The following NEK10 variants were observed in gnomAD, a reference collection of about 807,000 sequenced individuals.
NEK10 encodes the protein serine/threonine-protein kinase Nek10.
Under a neutral mutation model 159.8 loss-of-function variants are expected in NEK10, and 122 were observed. The ratio of observed to expected loss-of-function variants is 0.76; its 90% CI spans 0.66 to 0.89. NEK10 has a LOEUF of 0.89. Among genes scored for constraint, NEK10 ranks in the 40% least tolerant of loss-of-function variants. The pLI, the probability that NEK10 is intolerant of heterozygous loss-of-function variation, is 0.00. For synonymous variants in NEK10, 466 were observed against 457.1 expected (o/e 1.02, Z -0.25); for missense variants, 1,342 against 1,323.1 (o/e 1.01, Z -0.22).
At chr3:27,192,460 T>C in intron 25 of NEK10, among the ~76,000 whole-genome samples, 1 of 152,178 alleles carries the variant, frequency 6.6e-6, no homozygotes, top group Non-Finnish European at 1.5e-5. Flanking sequence ...TTATTCTCTT[T>C]GCACTTGGGC....
intron 23 of NEK10, among the ~76,000 whole-genome samples, chr3:27,242,992 G>A (rs1206939301): frequency 6.6e-6 from 1 of 152,042 alleles, no homozygotes; most frequent in African/African-American, 2.4e-5. Context: ...TTTATGATAG[G>A]CCATAAAATT....
At chr3:27,351,967 T>G (rs1408167065) in intron 3 of NEK10, among the ~76,000 whole-genome samples, 1 of 151,854 alleles carries the variant, frequency 6.6e-6, no homozygotes, top group Non-Finnish European at 1.5e-5. Flanking sequence ...AATAAGAACA[T>G]GAAAATGCTA....
chr3:27,145,134 CA>C (rs11374645), intron 30 of NEK10, among the ~76,000 whole-genome samples: 2,248 of 143,480 alleles, frequency 0.016, 58 homozygotes, highest in African/African-American at 0.051. Context: ...GACTGTTCAC[CA>C]AAAAAAAAAA....
intron 23 of NEK10, among the ~76,000 whole-genome samples, chr3:27,249,995 C>A (rs1018057702): frequency 6.6e-6 from 1 of 151,992 alleles, no homozygotes; most frequent in African/African-American, 2.4e-5. Context: ...AAAAAGAAAA[C>A]ATAAAAACTG....
At chr3:27,259,223 T>A (rs1559377684) in intron 22 of NEK10, among the ~76,000 whole-genome samples, 1 of 152,254 alleles carries the variant, frequency 6.6e-6, no homozygotes, top group Non-Finnish European at 1.5e-5. Context: ...TTTAGCTTAA[T>A]TAGATTTCAC....
intron 33 of NEK10, among the ~76,000 whole-genome samples, chr3:27,117,589 C>T (rs2125427579): frequency 6.6e-6 from 1 of 152,264 alleles, no homozygotes; most frequent in East Asian, 1.9e-4. Context: ...TGATGTTGAG[C>T]TTTTTATCAT....
intron 11 of NEK10, among the ~76,000 whole-genome samples, chr3:27,306,197 T>C (rs1215120079): frequency 6.6e-6 from 1 of 152,178 alleles, no homozygotes; most frequent in Non-Finnish European, 1.5e-5. Context: ...TCTTAGTGTT[T>C]TCTATTTCCT....
chr3:27,112,273 C>A (rs1292814936), intron 35 of NEK10, among the ~76,000 whole-genome samples: 2 of 152,168 alleles, frequency 1.3e-5, no homozygotes, highest in African/African-American at 2.4e-5. Context: ...CCTCTCTATT[C>A]TCTTCCTTAA....
chr3:27,120,490 T>C (rs933348604), intron 32 of NEK10, among the ~76,000 whole-genome samples: 5 of 124,742 alleles, frequency 4.0e-5, no homozygotes, highest in Non-Finnish European at 9.3e-5. Context: ...GCCCAGCTAA[T>C]TTTTGTATTT....
intron 23 of NEK10, among the ~76,000 whole-genome samples, chr3:27,248,944 G>C (rs981407866): frequency 4.6e-5 from 7 of 152,052 alleles, no homozygotes; most frequent in East Asian, 1.9e-4. Context: ...CAATGCTATG[G>C]GGTATTGAAG....
chr3:27,274,379 G>A (rs556601422), intron 22 of NEK10, among the ~76,000 whole-genome samples: 2 of 152,148 alleles, frequency 1.3e-5, no homozygotes, highest in African/African-American at 4.8e-5. Flanking sequence ...TCTAAGATGT[G>A]TATCAACAGA....
intron 25 of NEK10, chr3:27,194,755 G>A (rs918608691): frequency 6.6e-6 from 1 of 151,988 alleles, no homozygotes; most frequent in Admixed American, 6.5e-5. Flanking sequence ...TATGCAACCA[G>A]GCACAGAGAA....
At chr3:27,268,566 A>G (rs991039365) in intron 22 of NEK10, among the ~76,000 whole-genome samples, 1 of 152,162 alleles carries the variant, frequency 6.6e-6, no homozygotes, top group African/African-American at 2.4e-5. Context: ...CAGTCCTTCT[A>G]TTTGCAGCAT....
At chr3:27,344,492 A>G in intron 4 of NEK10, 122 bp from the exon 5 acceptor site, 1 of 497,984 alleles carries the variant, frequency 2.0e-6, no homozygotes, top group South Asian at 4.0e-5. Flanking sequence ...CACTATACTA[A>G]TGAGGATTCA....
At chr3:27,255,186 A>C (rs1575465289) in intron 23 of NEK10, 1 of 225,620 alleles carries the variant, frequency 4.4e-6, no homozygotes, top group Non-Finnish European at 9.5e-6. Flanking sequence ...TTCTTCTCTC[A>C]GAAAGTAACG....
At chr3:27,291,937 C>T (rs935442773) in intron 16 of NEK10, among the ~76,000 whole-genome samples, 6 of 152,132 alleles carry the variant, frequency 3.9e-5, no homozygotes, top group East Asian at 3.9e-4. Flanking sequence ...CCACCGCACC[C>T]GGCCCATTAC....
chr3:27,312,183 T>C lies in NEK10; in HGVS notation c.490-6A>G, dbSNP rs1203420047. The stretch of plus-strand genomic sequence containing the variant: ...TTGGCTACAATCTCCATATACTGCA[T>C]GAAGGACCAAACCAACAAGCCAGTC... On this transcript the variant is annotated splice_region_variant and splice_polypyrimidine_tract_variant and intron_variant, in intron 7 of 35. Transcript: ENST00000691995. 1 of 1,582,816 alleles carries C rather than the reference T, an allele frequency of 6.3e-7. No homozygotes were observed.
At chr3:27,224,162 GT>G (rs1260413324) in intron 23 of NEK10, among the ~76,000 whole-genome samples, 4 of 152,236 alleles carry the variant, frequency 2.6e-5, no homozygotes, top group Admixed American at 1.3e-4. Context: ...CAAGAGTGAT[GT>G]CTCTTGTCAA....
chr3:27,171,282 T>C (rs1946958702), intron 29 of NEK10, among the ~76,000 whole-genome samples: 1 of 152,178 alleles, frequency 6.6e-6, no homozygotes, highest in Non-Finnish European at 1.5e-5. Flanking sequence ...TATTTCACCA[T>C]CCCTTGCAAC....
Sources: allele counts gnomAD v4.1 joint callset (sites outside exome capture counted in the v4.1 genomes callset), GRCh38; gene constraint gnomAD v4.1.1; transcripts MANE v1.5; gene names NCBI Gene and HGNC (gene_info 2026-07-23, HGNC 2026-07-21).